The following RAD51B variants were observed in gnomAD, a reference collection of about 807,000 sequenced individuals.
The protein encoded by RAD51B is RAD51 paralog B, also known as DNA repair protein RAD51 homolog 2.
Under a neutral mutation model 42.2 loss-of-function variants are expected in RAD51B, and 38 were observed. The ratio of observed to expected loss-of-function variants is 0.90; its 90% CI spans 0.70 to 1.18. The LOEUF is 1.18. Among genes scored for constraint, RAD51B ranks in the 50% most tolerant of loss-of-function variants. The pLI, the probability that RAD51B is intolerant of heterozygous loss-of-function variation, is 0.00. For synonymous variants in RAD51B, 154 were observed against 145.2 expected, an observed-to-expected ratio of 1.06 and a Z score of -0.43; for missense variants, 373 against 400.7, an observed-to-expected ratio of 0.93 and a Z score of 0.59.
At chr14:68,403,596 G>C (rs1004475910) in intron 8 of RAD51B, among the ~76,000 whole-genome samples, 1 of 152,140 alleles carries the variant, frequency 6.6e-6, no homozygotes, top group South Asian at 2.1e-4. Flanking sequence ...CTGATTGCAC[G>C]AGGGCTACAC....
chr14:68,443,712 G>T (rs941920609), intron 9 of RAD51B, among the ~76,000 whole-genome samples: 1 of 152,134 alleles, frequency 6.6e-6, no homozygotes, highest in Non-Finnish European at 1.5e-5. Flanking sequence ...TAATGCAGAA[G>T]ATGGGAATTC....
At chr14:68,268,159 A>G (rs1178729225) in intron 7 of RAD51B, among the ~76,000 whole-genome samples, 2 of 152,192 alleles carry the variant, frequency 1.3e-5, no homozygotes, top group Admixed American at 6.5e-5. Flanking sequence ...ATTTTGTCCT[A>G]CCATTCTGGG....
intron 7 of RAD51B, among the ~76,000 whole-genome samples, chr14:68,207,780 C>T (rs2079622781): frequency 6.6e-6 from 1 of 152,142 alleles, no homozygotes; most frequent in South Asian, 2.1e-4. Context: ...AAGACCGAGA[C>T]TGGGCCTTTG....
chr14:68,378,208 A>G (rs775754873), intron 8 of RAD51B, among the ~76,000 whole-genome samples: 29 of 152,158 alleles, frequency 1.9e-4, no homozygotes, highest in Non-Finnish European at 3.4e-4. Context: ...CTTTTGGCCC[A>G]CTTCAATATG....
At chr14:68,021,539 T>C (rs1190022162) in intron 7 of RAD51B, among the ~76,000 whole-genome samples, 1 of 152,222 alleles carries the variant, frequency 6.6e-6, no homozygotes, top group Non-Finnish European at 1.5e-5. Context: ...CTTTGTTATA[T>C]GGGTAAACAA....
chr14:67,901,666 A>G (rs1330054815), intron 7 of RAD51B, among the ~76,000 whole-genome samples: 13 of 152,258 alleles, frequency 8.5e-5, no homozygotes, highest in Admixed American at 8.5e-4. Context: ...AAAGATATGG[A>G]ATCAACCAAA....
At chr14:68,419,553 G>A (rs1031716104) in intron 9 of RAD51B, among the ~76,000 whole-genome samples, 12 of 152,146 alleles carry the variant, frequency 7.9e-5, no homozygotes. Flanking sequence ...ACTTCACAGT[G>A]AGCATGAACT....
intron 10 of RAD51B, among the ~76,000 whole-genome samples, chr14:68,577,482 C>T (rs1245813249): frequency 6.6e-6 from 1 of 151,308 alleles, no homozygotes; most frequent in Non-Finnish European, 1.5e-5. Context: ...TGTGCTTTTA[C>T]TCATTATTCA....
intron 8 of RAD51B, among the ~76,000 whole-genome samples, chr14:68,407,278 A>G (rs2084302974): frequency 6.6e-6 from 1 of 152,212 alleles, no homozygotes; most frequent in East Asian, 1.9e-4. Flanking sequence ...TGGTTTTTGT[A>G]TTTACTAAAC....
chr14:68,589,168 C>CA (rs1890625219), intron 10 of RAD51B, among the ~76,000 whole-genome samples: 1 of 152,158 alleles, frequency 6.6e-6, no homozygotes, highest in Admixed American at 6.5e-5. Flanking sequence ...GTGATACTTA[C>CA]AAGGAACATG....
At chr14:68,500,915 TCTC>T (rs1462749747) in intron 10 of RAD51B, among the ~76,000 whole-genome samples, 1 of 152,158 alleles carries the variant, frequency 6.6e-6, no homozygotes, top group Non-Finnish European at 1.5e-5. Context: ...GCTCTGGGGA[TCTC>T]CTGTCCTGGG....
chr14:68,174,509 A>T (rs2071159455), intron 7 of RAD51B, among the ~76,000 whole-genome samples: 1 of 152,220 alleles, frequency 6.6e-6, no homozygotes, highest in Admixed American at 6.5e-5. Flanking sequence ...ACTTAGATAT[A>T]GTACCTTGAG....
intron 10 of RAD51B, among the ~76,000 whole-genome samples, chr14:68,545,848 T>C (rs1738572279): frequency 6.6e-6 from 1 of 152,172 alleles, no homozygotes; most frequent in African/African-American, 2.4e-5. Flanking sequence ...AGTAAGACTT[T>C]TGCTTGCCAA....
At chr14:68,448,814 C>G (rs2085484163) in intron 9 of RAD51B, among the ~76,000 whole-genome samples, 1 of 152,032 alleles carries the variant, frequency 6.6e-6, no homozygotes, top group Non-Finnish European at 1.5e-5. Flanking sequence ...TTTAGCTTGA[C>G]TTTCCATGTA....
chr14:68,085,966 A>G (rs2076977047), intron 7 of RAD51B, among the ~76,000 whole-genome samples: 2 of 152,196 alleles, frequency 1.3e-5, no homozygotes, highest in South Asian at 2.1e-4. Context: ...CGTGTGTCAC[A>G]GAGTGCTCTT....
intron 7 of RAD51B, among the ~76,000 whole-genome samples, chr14:68,284,541 T>C (rs1470707609): frequency 6.6e-6 from 1 of 152,176 alleles, no homozygotes; most frequent in Non-Finnish European, 1.5e-5. Flanking sequence ...CCCACACCCA[T>C]GTTTTCTTCA....
At chr14:68,130,665 T>A (rs1280335001) in intron 7 of RAD51B, among the ~76,000 whole-genome samples, 1 of 152,238 alleles carries the variant, frequency 6.6e-6, no homozygotes, top group Admixed American at 6.5e-5. Flanking sequence ...TACTGAAGCC[T>A]TGAGATCTCT....
intron 7 of RAD51B, among the ~76,000 whole-genome samples, chr14:68,169,618 T>C (rs965468895): frequency 6.6e-6 from 1 of 152,186 alleles, no homozygotes; most frequent in African/African-American, 2.4e-5. Flanking sequence ...CACATAACTC[T>C]CTGTGTAGAT....
intron 10 of RAD51B, among the ~76,000 whole-genome samples, chr14:68,584,872 T>C (rs1332485035): frequency 6.6e-6 from 1 of 152,204 alleles, no homozygotes; most frequent in Non-Finnish European, 1.5e-5. Flanking sequence ...CCCATCCTCA[T>C]TTTCTGAACA....
Sources: gnomAD v4.1 joint callset for allele counts (sites outside exome capture counted in the v4.1 genomes callset) on GRCh38, gnomAD v4.1.1 for gene constraint, MANE v1.5 for transcripts, NCBI Gene and HGNC (gene_info 2026-07-23, HGNC 2026-07-21) for gene names.